NPHP1: variants seen among roughly 807,000 people sequenced by gnomAD.
NPHP1 encodes nephrocystin 1, also known as nephrocystin-1.
Under a neutral mutation model 90.4 loss-of-function variants are expected in NPHP1, and 70 were observed. The observed-to-expected ratio is 0.77, with a 90% CI of 0.64 to 0.95. The LOEUF is 0.95. Ranked by LOEUF, NPHP1 falls within the 40% of genes least tolerant of loss-of-function variation. NPHP1 has a pLI of 0.00. For missense variants in NPHP1, 764 were observed against 795.9 expected, an observed-to-expected ratio of 0.96 and a Z score of 0.48; for synonymous variants, 256 against 271.7, an observed-to-expected ratio of 0.94 and a Z score of 0.57.
At chr2:110,128,925 C>G in intron 18 of NPHP1, 1 of 501,208 alleles carries the variant, frequency 2.0e-6, no homozygotes, top group Non-Finnish European at 3.6e-6. Context: ...CAGTGGCCAT[C>G]CTAAGTCAAG....
chr2:110,182,468 G>C (rs181606323), intron 2 of NPHP1, among the ~76,000 whole-genome samples: 1 of 152,146 alleles, frequency 6.6e-6, no homozygotes, highest in African/African-American at 2.4e-5. Context: ...TAAGCCAGCA[G>C]AGACTGGGGA....
At chr2:110,200,094 A>C (rs1258622127) in intron 2 of NPHP1, among the ~76,000 whole-genome samples, 1 of 151,614 alleles carries the variant, frequency 6.6e-6, no homozygotes, top group Non-Finnish European at 1.5e-5. Flanking sequence ...TCTCTACTAA[A>C]AATACAAAAA....
rs145525644 is a variant in NPHP1, at chr2:110,156,246, T to C, written c.1083+3881A>G. ...GCACATGCCACCATGGGGGCAGGTCTTTCTTGCACTGTTCTCATGATGGTG... is the reference window on the plus strand; with the variant it reads ...GCACATGCCACCATGGGGGCAGGTCCTTCTTGCACTGTTCTCATGATGGTG... On this transcript the variant is annotated intron_variant, in intron 11 of 19. Transcript: ENST00000445609. Among the ~76,000 whole-genome samples the C allele has an allele frequency of 5.4e-3, 828 of 152,114 alleles. 13 individuals are homozygous for C. The highest frequency in any genetic ancestry group is 0.017 in the African/African-American group (709 of 41,504).
chr2:110,202,401 T>C (rs1030333457), intron 1 of NPHP1: 2 of 453,776 alleles, frequency 4.4e-6, no homozygotes, highest in African/African-American at 4.0e-5. Context: ...ATCACAGGCC[T>C]GACTCAGAGG....
chr2:110,126,966 G>C (rs941540702), intron 18 of NPHP1: 1 of 152,526 alleles, frequency 6.6e-6, no homozygotes, highest in Non-Finnish European at 1.5e-5. Flanking sequence ...TAACTCATTT[G>C]GGAATAGCAA....
At position 110,201,478 on chromosome 2, in the gene NPHP1, G is replaced by C; in HGVS notation, c.86C>G (p.Ser29Cys). Residue 29 changes from serine (S) to cysteine (C), a missense_variant, in exon 2 of 20, where the codon TCT (serine) becomes TGT (cysteine). Ser to Cys is a moderately radical substitution (Grantham distance 112). Transcript: ENST00000445609. The stretch of plus-strand genomic sequence containing the variant: ...TAGAGCTTCTTTCAGTTGGCTCTCA[G>C]AAAGCAAACTATCAACCTATGGAGA... ...ELKQQVDSLL[S>C]ESQLKEALEP... The C allele has an allele frequency of 6.2e-7, 1 of 1,609,518 alleles. No individual in the cohort carries two copies. The highest frequency in any genetic ancestry group is 8.5e-7 in the Non-Finnish European group (1 of 1,177,046).
At chr2:110,149,131 T>A (rs1210628652) in intron 12 of NPHP1, among the ~76,000 whole-genome samples, 1 of 152,144 alleles carries the variant, frequency 6.6e-6, no homozygotes, top group Non-Finnish European at 1.5e-5. Flanking sequence ...CAGTTAGGGT[T>A]CCATAAGTAG....
intron 18 of NPHP1, chr2:110,127,799 C>G (rs1392433171): frequency 2.6e-5 from 4 of 152,080 alleles, no homozygotes; most frequent in Non-Finnish European, 5.9e-5. Flanking sequence ...ATTAGGGATC[C>G]TAAGTTTCCT....
chr2:110,164,482 T>G, intron 8 of NPHP1: 1 of 983,260 alleles, frequency 1.0e-6, no homozygotes, highest in Non-Finnish European at 1.6e-6. Flanking sequence ...TCTATTCTTT[T>G]TGTACAAAAA....
At chr2:110,168,633 T>C in intron 5 of NPHP1, 80 bp from the exon 6 acceptor site, 2 of 994,610 alleles carry the variant, frequency 2.0e-6, no homozygotes. Context: ...ATTCAAAATA[T>C]GTGCTGAAAA....
chr2:110,202,522 C>G lies in NPHP1; in HGVS notation c.70-1028G>C, dbSNP rs1386013973. 4 of 428,346 alleles carry G rather than the reference C, an allele frequency of 9.3e-6. No individual in the cohort carries two copies. The East Asian group carries it at 2.8e-4, about 30-fold the overall frequency. The allele number at this position is 428,346 out of a possible 1,614,324, so 26.5% of individuals were successfully genotyped here. A position where few individuals can be genotyped will look rare whatever the true frequency, so the allele number is the denominator to read the frequency against. On this transcript the variant is annotated intron_variant, in intron 1 of 19. Coordinates refer to ENST00000445609, the MANE Select transcript of NPHP1 (RefSeq NM_001128178.3). ...AATTAGCTAATACTATCAAAACAAACTTTCCAGATAGTCAAGGTATCAAAA... is the reference window on the plus strand; with the variant it reads ...AATTAGCTAATACTATCAAAACAAAGTTTCCAGATAGTCAAGGTATCAAAA...
chr2:110,144,200 C>A, intron 15 of NPHP1: 1 of 415,856 alleles, frequency 2.4e-6, no homozygotes, highest in Non-Finnish European at 4.4e-6. Flanking sequence ...TTTGACCCAG[C>A]AATAGGCAGT....
intron 16 of NPHP1, among the ~76,000 whole-genome samples, chr2:110,141,592 T>G (rs1680633961): frequency 6.6e-6 from 1 of 152,098 alleles, no homozygotes; most frequent in South Asian, 2.1e-4. Flanking sequence ...GAAAAACTGA[T>G]CATATCAAGT....
At chr2:110,189,316 G>A (rs749762144) in intron 2 of NPHP1, among the ~76,000 whole-genome samples, 6 of 151,992 alleles carry the variant, frequency 3.9e-5, no homozygotes, top group African/African-American at 1.4e-4. Context: ...TCTGACGTTC[G>A]GATGTGTTTG....
At chr2:110,143,075 C>G (rs1306760528) in intron 16 of NPHP1, among the ~76,000 whole-genome samples, 1 of 152,106 alleles carries the variant, frequency 6.6e-6, no homozygotes, top group Non-Finnish European at 1.5e-5. Context: ...GCTGGGGATA[C>G]AGAGCTGACT....
At chr2:110,165,270 A>T (rs1682648057) in intron 6 of NPHP1, 115 bp from the exon 7 acceptor site, 9 of 766,202 alleles carry the variant, frequency 1.2e-5, no homozygotes, top group Non-Finnish European at 1.8e-5. Flanking sequence ...TTTTCTGTTT[A>T]AAAACAAAAA....
intron 2 of NPHP1, among the ~76,000 whole-genome samples, chr2:110,186,520 A>G (rs1043518418): frequency 6.6e-6 from 1 of 152,124 alleles, no homozygotes; most frequent in African/African-American, 2.4e-5. Context: ...GAGTAGTCCA[A>G]AGGCCTTTAG....
chr2:110,124,363 C>T (rs1313429664), intron 19 of NPHP1: 2 of 464,728 alleles, frequency 4.3e-6, no homozygotes, highest in African/African-American at 3.9e-5. Flanking sequence ...GTATTGCAGT[C>T]TAATTTTGGT....
At chr2:110,187,602 T>A (rs1225089500) in intron 2 of NPHP1, among the ~76,000 whole-genome samples, 3 of 151,832 alleles carry the variant, frequency 2.0e-5, no homozygotes, top group Non-Finnish European at 4.4e-5. Context: ...AAAAGAAGAG[T>A]GGGAACCATT....
Sources: gnomAD v4.1 joint callset for allele counts (sites outside exome capture counted in the v4.1 genomes callset) on GRCh38, gnomAD v4.1.1 for gene constraint, MANE v1.5 for transcripts, NCBI Gene and HGNC (gene_info 2026-07-23, HGNC 2026-07-21) for gene names.